Variants in TENM2 observed in about 807,000 individuals in gnomAD.
TENM2 encodes the protein teneurin-2.
A neutral mutation model predicts 245.2 loss-of-function variants in TENM2; 52 were observed. The observed-to-expected ratio is 0.21, with a 90% CI of 0.17 to 0.27. The LOEUF (loss-of-function observed/expected upper bound fraction) is 0.27. TENM2 is among the 10% of genes least tolerant of loss of function. The pLI is 1.00. For missense variants in TENM2, 3,046 were observed against 3,666.8 expected (o/e 0.83, Z 4.37); for synonymous variants, 1,363 against 1,438.9 (o/e 0.95, Z 1.19).
At chr5:167,208,014 A>G in the TENM2 span, among the ~76,000 whole-genome samples, 1 of 152,210 alleles carries the variant, frequency 6.6e-6, no homozygotes, top group African/African-American at 2.4e-5. Context: ...TCAGCCTCCC[A>G]AAGTGCTGGG....
chr5:167,860,443 C>T (rs1184893694), intron 2 of TENM2, among the ~76,000 whole-genome samples: 4 of 122,580 alleles, frequency 3.3e-5, no homozygotes, highest in Non-Finnish European at 5.1e-5. Context: ...CCTGCCCGGC[C>T]AGCCGCCCCG....
chr5:167,628,957 G>C (rs972685911), intron 2 of TENM2, among the ~76,000 whole-genome samples: 1 of 152,162 alleles, frequency 6.6e-6, no homozygotes, highest in Admixed American at 6.5e-5. Context: ...TTTGGCCACA[G>C]TCAAATCTGG....
chr5:167,101,851 A>ATATATATATATATATATATATATT, the TENM2 span, among the ~76,000 whole-genome samples: 18 of 107,798 alleles, frequency 1.7e-4, 1 homozygote, highest in African/African-American at 6.3e-4. Flanking sequence ...ATATATATTT[A>ATATATATATATATATATATATATT]TATATATATA....
chr5:167,308,798 A>G (rs2127749666), intron 1 of TENM2, among the ~76,000 whole-genome samples: 1 of 152,300 alleles, frequency 6.6e-6, no homozygotes, highest in South Asian at 2.1e-4. Context: ...GATTAAGCTT[A>G]GAATTGAGAC....
At chr5:167,694,837 A>C (rs368060864) in intron 2 of TENM2, among the ~76,000 whole-genome samples, 95 of 152,304 alleles carry the variant, frequency 6.2e-4, no homozygotes, top group African/African-American at 2.1e-3. Context: ...TAATGTTTAC[A>C]TGCAGAAAAA....
rs1782583842 is a variant in TENM2, at chr5:167,978,226, T to C, written c.948-14718T>C. On this transcript the variant is annotated intron_variant, in intron 4 of 28. Transcript: ENST00000518659. The stretch of plus-strand genomic sequence containing the variant: ...GGGTCTCCTTAATAGCAACACAAAG[T>C]GTACTGAGGCACCTCTATGATGCAG... 2.6e-5 allele frequency among the ~76,000 whole-genome samples: 4 copies of C among 152,188 alleles called. No homozygotes were observed. The South Asian group carries it at 8.3e-4, about 32-fold the overall frequency.
In TENM2 at chr5:167,452,948, T is replaced by A. The variant is rs868039279; in HGVS notation, c.502+77475T>A. Among the ~76,000 whole-genome samples the A allele has an allele frequency of 2.0e-3, 95 of 47,526 alleles. 3 individuals carry two copies. Among genetic ancestry groups the A allele is most frequent in the South Asian group, 5.6e-3 (8 of 1,420 alleles). 31.2% of individuals were successfully genotyped at this position (47,526 alleles called of 152,430 possible). ...AGTATGATTTATATATATATATATA[T>A]ATATATATATATATTTAAAAAAAAA... is the stretch of plus-strand genomic sequence containing the variant. On this transcript the variant is annotated intron_variant, in intron 2 of 28. Coordinates refer to ENST00000518659, the Ensembl canonical transcript of TENM2.
the TENM2 span, among the ~76,000 whole-genome samples, chr5:167,222,468 C>A: frequency 2.7e-3 from 414 of 152,320 alleles, 2 homozygotes; most frequent in Non-Finnish European, 3.1e-3. Flanking sequence ...TGTTATCAGA[C>A]TGCACTGATG....
At chr5:168,219,930 C>T (rs1289450390) in intron 23 of TENM2, among the ~76,000 whole-genome samples, 2 of 150,958 alleles carry the variant, frequency 1.3e-5, no homozygotes, top group Non-Finnish European at 2.9e-5. Context: ...GTTTGTATGC[C>T]AATGGTCTTG....
intron 2 of TENM2, among the ~76,000 whole-genome samples, chr5:167,748,477 C>G (rs1466678515): frequency 1.3e-5 from 2 of 152,062 alleles, no homozygotes; most frequent in African/African-American, 4.8e-5. Flanking sequence ...CTCCTTGGCT[C>G]AAGGAATCCT....
At chr5:167,893,850 T>G (rs961897245) in intron 3 of TENM2, among the ~76,000 whole-genome samples, 1 of 152,170 alleles carries the variant, frequency 6.6e-6, no homozygotes, top group African/African-American at 2.4e-5. Flanking sequence ...TTACCCTAGT[T>G]CCTGCGCTTC....
At chr5:167,352,701 A>G (rs1438158317) in intron 1 of TENM2, among the ~76,000 whole-genome samples, 2 of 152,214 alleles carry the variant, frequency 1.3e-5, no homozygotes, top group East Asian at 3.9e-4. Context: ...CAATTTTTAT[A>G]AAAAATTTGG....
chr5:167,125,991 A>G, the TENM2 span, among the ~76,000 whole-genome samples: 1 of 152,182 alleles, frequency 6.6e-6, no homozygotes, highest in Non-Finnish European at 1.5e-5. Flanking sequence ...TATGTACACA[A>G]AGTGAAGCTT....
At chr5:167,483,302 C>T (rs1767869774) in intron 2 of TENM2, among the ~76,000 whole-genome samples, 1 of 152,138 alleles carries the variant, frequency 6.6e-6, no homozygotes, top group Admixed American at 6.6e-5. Context: ...CGAAAACTTC[C>T]CTCACCTTAC....
intron 2 of TENM2, among the ~76,000 whole-genome samples, chr5:167,743,855 C>T (rs528200247): frequency 1.3e-5 from 2 of 152,290 alleles, no homozygotes; most frequent in East Asian, 3.9e-4. Flanking sequence ...GACCTTACCC[C>T]TCACTGAGAG....
intron 3 of TENM2, among the ~76,000 whole-genome samples, chr5:167,907,863 T>C (rs1776233381): frequency 6.6e-6 from 1 of 151,928 alleles, no homozygotes; most frequent in South Asian, 2.1e-4. Context: ...ATGCAGCCAA[T>C]TTGTTAAAAT....
chr5:167,097,430 C>T, the TENM2 span, among the ~76,000 whole-genome samples: 1 of 152,076 alleles, frequency 6.6e-6, no homozygotes, highest in African/African-American at 2.4e-5. Flanking sequence ...GTGGTCCTTA[C>T]TGCCTCACTT....
intron 3 of TENM2, among the ~76,000 whole-genome samples, chr5:167,892,162 A>G (rs563871008): frequency 1.3e-5 from 2 of 152,366 alleles, no homozygotes; most frequent in South Asian, 4.1e-4. Flanking sequence ...GAGAAGTGCT[A>G]CATTAAACGT....
intron 3 of TENM2, among the ~76,000 whole-genome samples, chr5:167,899,919 A>T (rs1442917074): frequency 6.6e-6 from 1 of 152,090 alleles, no homozygotes; most frequent in Non-Finnish European, 1.5e-5. Flanking sequence ...TTAATTTGAA[A>T]GGTCTTGTTT....
Sources: gnomAD v4.1 joint callset for allele counts (sites outside exome capture counted in the v4.1 genomes callset) on GRCh38, gnomAD v4.1.1 for gene constraint, MANE v1.5 for transcripts, NCBI Gene and HGNC (gene_info 2026-07-23, HGNC 2026-07-21) for gene names.